The following DNAJC10 variants were observed in gnomAD, a reference collection of about 807,000 sequenced individuals.
DNAJC10 encodes the protein DnaJ heat shock protein family (Hsp40) member C10.
DNAJC10 carries 101 observed loss-of-function variants against 115.0 expected under a neutral mutation model. That is an observed-to-expected ratio of 0.88 (90% confidence interval 0.75 to 1.04). The LOEUF (loss-of-function observed/expected upper bound fraction) is 1.04. DNAJC10 is among the 50% of genes least tolerant of loss of function. The pLI, the probability that DNAJC10 is intolerant of heterozygous loss-of-function variation, is 0.00. For missense variants in DNAJC10, 981 were observed against 928.8 expected (o/e 1.06, Z -0.73); for synonymous variants, 307 against 301.5 (o/e 1.02, Z -0.19).
intron 5 of DNAJC10, among the ~76,000 whole-genome samples, chr2:182,727,130 G>A (rs1263160458): frequency 6.6e-6 from 1 of 151,742 alleles, no homozygotes; most frequent in African/African-American, 2.4e-5. Context: ...ATATGCACTG[G>A]AAAACCAGAA....
intron 16 of DNAJC10, among the ~76,000 whole-genome samples, chr2:182,753,962 C>T (rs768194545): frequency 2.0e-5 from 3 of 152,108 alleles, no homozygotes; most frequent in Non-Finnish European, 2.9e-5. Flanking sequence ...ACTATGATAT[C>T]GATTTACCTG....
At chr2:182,756,606 TC>T (rs1694162692) in intron 18 of DNAJC10, 137 bp downstream of exon 18, 2 of 840,406 alleles carry the variant, frequency 2.4e-6, no homozygotes, top group Admixed American at 5.8e-5. Flanking sequence ...CCACTTTGAT[TC>T]CAGCTCTGTT....
intron 14 of DNAJC10, among the ~76,000 whole-genome samples, chr2:182,747,163 G>T (rs1449553384): frequency 1.3e-5 from 2 of 150,826 alleles, no homozygotes; most frequent in Middle Eastern, 3.2e-3. Context: ...GTCAGGTAGT[G>T]TGATGCCTCC....
chr2:182,745,813 G>C (rs904103679), intron 14 of DNAJC10, among the ~76,000 whole-genome samples: 95 of 150,358 alleles, frequency 6.3e-4, no homozygotes, highest in Non-Finnish European at 5.7e-4. Flanking sequence ...ATGTATACAT[G>C]TGCCATGCTG....
chr2:182,769,612 C>CATAG (rs1454895426), intron 22 of DNAJC10, among the ~76,000 whole-genome samples: 1 of 152,160 alleles, frequency 6.6e-6, no homozygotes, highest in Non-Finnish European at 1.5e-5. Flanking sequence ...CTGTTGGCTG[C>CATAG]ATAGATGTCT....
At chr2:182,730,443 A>G (rs771846875) in intron 8 of DNAJC10, 1 of 347,216 alleles carries the variant, frequency 2.9e-6, no homozygotes, top group South Asian at 2.3e-5. Flanking sequence ...GGCTGCAGTA[A>G]TAAAATATAT....
intron 14 of DNAJC10, among the ~76,000 whole-genome samples, chr2:182,748,594 T>TA (rs1464963732): frequency 5.3e-5 from 8 of 152,346 alleles, no homozygotes; most frequent in African/African-American, 1.9e-4. Flanking sequence ...TATCATTTTT[T>TA]ATTGCATCTA....
chr2:182,762,688 A>G lies in DNAJC10; in HGVS notation c.2152A>G (p.Lys718Glu). 6.2e-7 allele frequency: 1 copy of G among 1,612,194 alleles called. No homozygotes were observed. Among genetic ancestry groups the G allele is most frequent in the Non-Finnish European group, 8.5e-7 (1 of 1,178,714 alleles). Residue 718 changes from lysine (K) to glutamate (E), a missense_variant, in exon 22 of 24, where the codon AAA (lysine) becomes GAA (glutamate). By Grantham distance (56) the Lys-to-Glu change is moderately conservative. Coordinates refer to ENST00000264065, the MANE Select transcript of DNAJC10 (RefSeq NM_018981.4). ...CTGTATTTTTCTTTTTCAGATGATT[A>G]AAGGAAAAGTGAAAGCTGGAAAAGT... ...PEFELLARMIKGKVKAGKVDC... is the reference protein window; with the variant it reads ...PEFELLARMIEGKVKAGKVDC...
In DNAJC10 at chr2:182,779,657, CTT is replaced by C. The variant is rs749511149; in HGVS notation, c.*2530_*2531del. On this transcript the variant is annotated 3_prime_UTR_variant, in exon 24 of 24. Coordinates refer to ENST00000264065, the MANE Select transcript of DNAJC10 (RefSeq NM_018981.4). ...CAAATTTTATTTAGGTCTTTCATAG[CTT>C]TTTTATTTAAAGGTATATGATTAAG... The C allele has an allele frequency of 6.6e-6, 1 of 152,042 alleles. No homozygotes were observed. Among genetic ancestry groups the C allele is most frequent in the Non-Finnish European group, 1.5e-5 (1 of 68,014 alleles). The allele number at this position is 152,042 out of a possible 1,614,324, so 9.4% of individuals were successfully genotyped here. A position where few individuals can be genotyped will look rare whatever the true frequency, so the allele number is the denominator to read the frequency against.
intron 2 of DNAJC10, 90 bp downstream of exon 2, chr2:182,717,162 G>A (rs899189713): frequency 4.6e-5 from 7 of 152,148 alleles, no homozygotes; most frequent in Non-Finnish European, 8.8e-5. Context: ...AAAGCATTAC[G>A]ATCTCTTTGG....
In DNAJC10 at chr2:182,730,415, G is replaced by A. The variant is rs567508492; in HGVS notation, c.727+474G>A. ...ATTCATTGAGTAAAGTTACGTGTCAGAAACTATTAAATAGTGGGGCTGCAG... is the reference window on the plus strand; with the variant it reads ...ATTCATTGAGTAAAGTTACGTGTCAAAAACTATTAAATAGTGGGGCTGCAG... On this transcript the variant is annotated intron_variant, in intron 8 of 23. Coordinates refer to ENST00000264065, the MANE Select transcript of DNAJC10 (RefSeq NM_018981.4). 6.7e-5 allele frequency: 19 copies of A among 284,494 alleles called. 1 individual carries two copies. Among genetic ancestry groups the A allele is most frequent in the South Asian group, 6.3e-4 (19 of 30,240 alleles). 17.6% of individuals were successfully genotyped at this position (284,494 alleles called of 1,614,324 possible).
At chr2:182,720,251 A>G (rs946303106) in intron 4 of DNAJC10, 82 bp downstream of exon 4, 48 of 1,144,472 alleles carry the variant, frequency 4.2e-5, no homozygotes, top group African/African-American at 9.4e-5. Context: ...CTTAGCTTAT[A>G]TATTTAAGAT....
At chr2:182,774,006 T>C (rs891400692) in intron 22 of DNAJC10, among the ~76,000 whole-genome samples, 5 of 152,208 alleles carry the variant, frequency 3.3e-5, no homozygotes, top group Non-Finnish European at 1.5e-5. Flanking sequence ...GACCTACAGA[T>C]GGGGTTTTGG....
intron 14 of DNAJC10, among the ~76,000 whole-genome samples, chr2:182,744,992 C>T (rs1229775073): frequency 1.3e-5 from 2 of 152,118 alleles, no homozygotes; most frequent in Non-Finnish European, 2.9e-5. Context: ...TAGTATTATC[C>T]TCTGGGAGGA....
At chr2:182,739,497 A>G in intron 11 of DNAJC10, 1 of 1,175,550 alleles carries the variant, frequency 8.5e-7, no homozygotes, top group Non-Finnish European at 1.1e-6. Context: ...GTCAACTTTC[A>G]TATACATTTT....
chr2:182,750,102 C>G (rs1381988630), intron 14 of DNAJC10, among the ~76,000 whole-genome samples: 3 of 152,088 alleles, frequency 2.0e-5, no homozygotes, highest in Non-Finnish European at 4.4e-5. Flanking sequence ...ACCAAGAATG[C>G]AAAGTCAGTA....
chr2:182,792,167 G>A lies in DNAJC10; in HGVS notation c.*15035G>A, dbSNP rs1695062275. On this transcript the variant is annotated 3_prime_UTR_variant, in exon 24 of 24. Transcript: ENST00000264065. ...AAGAGATGCTCAAGTCAATTTATAA[G>A]TAATCCTCACAAATGCTTGCATACC... is the stretch of plus-strand genomic sequence containing the variant. The A allele has an allele frequency of 6.6e-6, 1 of 152,144 alleles. No individual in the cohort carries two copies. Among genetic ancestry groups the A allele is most frequent in the African/African-American group, 2.4e-5 (1 of 41,444 alleles). The allele number at this position is 152,144 out of a possible 1,614,324, so 9.4% of individuals were successfully genotyped here.
At chr2:182,721,371 T>G (rs1693146564) in intron 4 of DNAJC10, among the ~76,000 whole-genome samples, 1 of 152,150 alleles carries the variant, frequency 6.6e-6, no homozygotes, top group Non-Finnish European at 1.5e-5. Flanking sequence ...TGGAATTACT[T>G]TAATTTGTTT....
intron 16 of DNAJC10, chr2:182,754,673 T>C: frequency 1.3e-6 from 1 of 792,710 alleles, no homozygotes; most frequent in Non-Finnish European, 1.6e-6. Context: ...TATAGCCTGT[T>C]GTTTATAGCC....
Sources: gnomAD v4.1 joint callset for allele counts (sites outside exome capture counted in the v4.1 genomes callset) on GRCh38, gnomAD v4.1.1 for gene constraint, MANE v1.5 for transcripts, NCBI Gene and HGNC (gene_info 2026-07-23, HGNC 2026-07-21) for gene names.